Variants in SKIC8 observed in about 807,000 individuals in gnomAD.
The protein encoded by SKIC8 is SKI8 subunit of superkiller complex.
the SKIC8 span, chr15:78,295,729 T>C: frequency 9.2e-6 from 14 of 1,520,996 alleles, no homozygotes; most frequent in Non-Finnish European, 1.1e-5. Context: ...GACAGCTCTG[T>C]GGAAACAACA....
chr15:78,288,196 G>T, the SKIC8 span: 3 of 1,337,364 alleles, frequency 2.2e-6, no homozygotes, highest in African/African-American at 4.4e-5. Flanking sequence ...TTGAGCACAG[G>T]TCTTTACTAG....
At chr15:78,285,093 C>T in the SKIC8 span, 5 of 633,322 alleles carry the variant, frequency 7.9e-6, no homozygotes, top group Non-Finnish European at 5.6e-6. Flanking sequence ...GCACCCCAGA[C>T]TCTGCACAGG....
the SKIC8 span, chr15:78,289,023 C>T: frequency 4.5e-5 from 18 of 395,936 alleles, no homozygotes; most frequent in East Asian, 5.8e-4. Flanking sequence ...CACACACATA[C>T]ATAATGTGAT....
chr15:78,295,428 C>G, the SKIC8 span: 3 of 332,868 alleles, frequency 9.0e-6, no homozygotes, highest in East Asian at 8.2e-5. Flanking sequence ...TGTACAACAT[C>G]TTTTAAGCTT....
the SKIC8 span, chr15:78,289,782 CAAG>C: frequency 3.9e-6 from 6 of 1,544,188 alleles, no homozygotes; most frequent in African/African-American, 1.4e-5. Flanking sequence ...CTACCAAACA[CAAG>C]CAAACCTCCT....
the SKIC8 span, chr15:78,284,392 G>A: frequency 6.6e-6 from 1 of 152,218 alleles, no homozygotes; most frequent in East Asian, 1.9e-4. Flanking sequence ...CATGAACAAT[G>A]TTAGTTAACT....
chr15:78,286,587 T>C, the SKIC8 span: 244 of 158,144 alleles, frequency 1.5e-3, no homozygotes, highest in African/African-American at 5.6e-3. Context: ...GTATTCATTA[T>C]GACAGATGCA....
At chr15:78,286,373 TC>T in the SKIC8 span, 2 of 422,600 alleles carry the variant, frequency 4.7e-6, no homozygotes, top group South Asian at 1.1e-4. Context: ...AAGAATAAAA[TC>T]CTTCACAAGC....
chr15:78,288,114 T>G, the SKIC8 span, among the ~76,000 whole-genome samples: 1 of 152,116 alleles, frequency 6.6e-6, no homozygotes, highest in African/African-American at 2.4e-5. Context: ...CAAGCAGCCC[T>G]TGAGGACACA....
chr15:78,283,730 C>CAA, the SKIC8 span: 214 of 317,320 alleles, frequency 6.7e-4, no homozygotes, highest in East Asian at 1.7e-3. Context: ...TCCCATACTC[C>CAA]AAAAAAAAAA....
At chr15:78,289,903 G>A in the SKIC8 span, 11 of 1,597,180 alleles carry the variant, frequency 6.9e-6, no homozygotes, top group African/African-American at 1.3e-5. Context: ...AGGCTGGAAG[G>A]GTAAACTGAA....
chr15:78,285,989 G>C, the SKIC8 span: 889 of 1,487,622 alleles, frequency 6.0e-4, 9 homozygotes, highest in South Asian at 0.01. Flanking sequence ...TATACAAGAA[G>C]ACTGCTCTCA....
chr15:78,287,121 T>C, the SKIC8 span, among the ~76,000 whole-genome samples: 3 of 152,200 alleles, frequency 2.0e-5, no homozygotes, highest in African/African-American at 4.8e-5. Context: ...CCACCTCAGC[T>C]TGGGTTTCTC....
chr15:78,293,130 A>G, the SKIC8 span: 8 of 1,586,536 alleles, frequency 5.0e-6, no homozygotes, highest in East Asian at 1.3e-4. Flanking sequence ...TCAGCCCCCA[A>G]TTTTCCAAGG....
the SKIC8 span, among the ~76,000 whole-genome samples, chr15:78,296,727 T>C: frequency 0.087 from 13,314 of 152,212 alleles, 609 homozygotes; most frequent in East Asian, 0.13. Flanking sequence ...GGTCTTGAAC[T>C]CCTGGGCTCA....
chr15:78,285,993 G>T, the SKIC8 span: 1 of 1,512,000 alleles, frequency 6.6e-7, no homozygotes, highest in Non-Finnish European at 9.1e-7. Flanking sequence ...CAAGAAGACT[G>T]CTCTCATCTC....
chr15:78,287,234 A>C, the SKIC8 span, among the ~76,000 whole-genome samples: 1 of 152,156 alleles, frequency 6.6e-6, no homozygotes, highest in Non-Finnish European at 1.5e-5. Flanking sequence ...AATGTAAGGA[A>C]CTGCTGCATT....
the SKIC8 span, chr15:78,284,035 T>G: frequency 2.0e-5 from 3 of 152,366 alleles, no homozygotes; most frequent in Non-Finnish European, 4.4e-5. Context: ...AACATGATAT[T>G]GTGGACCATA....
At chr15:78,288,857 T>C in the SKIC8 span, 1 of 418,314 alleles carries the variant, frequency 2.4e-6, no homozygotes. Context: ...GTTCTTTAGC[T>C]ACCCAGTCCT....
Sources: gnomAD v4.1 joint callset for allele counts (sites outside exome capture counted in the v4.1 genomes callset) on GRCh38, gnomAD v4.1.1 for gene constraint, MANE v1.5 for transcripts, NCBI Gene and HGNC (gene_info 2026-07-23, HGNC 2026-07-21) for gene names.